KIAA0319L: variants seen among roughly 807,000 people sequenced by gnomAD.
The protein encoded by KIAA0319L is dyslexia-associated protein KIAA0319-like protein.
A neutral mutation model predicts 120.1 loss-of-function variants in KIAA0319L; 55 were observed. The observed-to-expected ratio is 0.46, with a 90% CI of 0.37 to 0.57. KIAA0319L has a LOEUF of 0.57. KIAA0319L is among the 20% of genes least tolerant of loss of function. KIAA0319L has a pLI of 0.00. For synonymous variants in KIAA0319L, 398 were observed against 471.9 expected (o/e 0.84, Z 2.03); for missense variants, 1,049 against 1,255.3 (o/e 0.84, Z 2.48).
intron 9 of KIAA0319L, among the ~76,000 whole-genome samples, chr1:35,459,317 G>C (rs1642718514): frequency 2.0e-5 from 3 of 152,108 alleles, no homozygotes; most frequent in Admixed American, 2.0e-4. Context: ...TAGAAAATCT[G>C]CATTTAGGGC....
chr1:35,534,650 G>C (rs575540486), intron 2 of KIAA0319L, among the ~76,000 whole-genome samples: 34 of 152,068 alleles, frequency 2.2e-4, no homozygotes, highest in African/African-American at 8.0e-4. Context: ...ACGAGGTCAG[G>C]AAATCGAGAA....
intron 3 of KIAA0319L, among the ~76,000 whole-genome samples, chr1:35,494,225 G>C (rs1644710234): frequency 6.6e-6 from 1 of 152,010 alleles, no homozygotes; most frequent in African/African-American, 2.4e-5. Context: ...GAGAAAGGTG[G>C]ATCACGAGGT....
Position 35,454,442 on chromosome 1 carries a change from C to T in KIAA0319L, c.1700G>A (p.Gly567Glu), listed in dbSNP as rs1435373912. 65 of 1,613,896 alleles carry T rather than the reference C, an allele frequency of 4.0e-5. No homozygotes were observed. Among genetic ancestry groups the T allele is most frequent in the Non-Finnish European group, 5.3e-5 (63 of 1,179,916 alleles). ...PTLQLSAMQE[G>E]DYTYQLTVTD... is the part of the protein sequence containing the mutation. The stretch of plus-strand genomic sequence containing the variant: ...CACTGTGAGCTGGTAAGTGTAGTCT[C>T]CTTCTTGCATCGCAGAGAGCTGTAA... Residue 567 changes from glycine to glutamate, a missense_variant, in exon 11 of 21, where the codon GGA (glycine) becomes GAA (glutamate). Gly to Glu is a moderately conservative substitution (Grantham distance 98, BLOSUM62 -2). Transcript: ENST00000325722.
chr1:35,510,468 A>G (rs1645388362), intron 2 of KIAA0319L: 1 of 151,932 alleles, frequency 6.6e-6, no homozygotes, highest in South Asian at 2.1e-4. Flanking sequence ...TGTCCTTTCA[A>G]GTCATCAGAG....
intron 2 of KIAA0319L, among the ~76,000 whole-genome samples, chr1:35,528,077 A>G (rs1646222612): frequency 6.6e-6 from 1 of 151,986 alleles, no homozygotes; most frequent in African/African-American, 2.4e-5. Context: ...TTTTCCATTT[A>G]AATTTAAGAA....
rs781521479 is a variant in KIAA0319L, at chr1:35,507,081, C to T, written c.197G>A (p.Arg66Lys). 1 of 1,552,344 alleles carries T rather than the reference C, an allele frequency of 6.4e-7. No individual in the cohort carries two copies. The highest frequency in any genetic ancestry group is 2.3e-5 in the East Asian group (1 of 44,340). Residue 66 changes from arginine (R) to lysine (K), a missense_variant, in exon 3 of 21, where the codon AGA (arginine) becomes AAA (lysine). Physicochemically the swap from Arg to Lys is conservative, Grantham distance 26. Transcript: ENST00000325722. ...QGKTQFGVGL[R>K]SGGENHLWLL... ...CCAGAGGTGATTTTCTCCCCCAGAT[C>T]TCAGGCCAACTCCAAATTGTGTCTT...
At chr1:35,513,288 A>ATATATATATATATTTTTTTTTTTT (rs1414704674) in intron 2 of KIAA0319L, among the ~76,000 whole-genome samples, 1 of 85,338 alleles carries the variant, frequency 1.2e-5, no homozygotes, top group African/African-American at 4.3e-5. Context: ...ATATATATAT[A>ATATATATATATATTTTTTTTTTTT]TTTTTTTTTT....
intron 2 of KIAA0319L, among the ~76,000 whole-genome samples, chr1:35,521,529 G>A (rs1322648572): frequency 6.6e-6 from 1 of 151,744 alleles, no homozygotes; most frequent in Non-Finnish European, 1.5e-5. Context: ...AGCTACTCTG[G>A]AAGCTGAGGA....
At chr1:35,454,813 GAACA>G (rs1348944974) in intron 10 of KIAA0319L, 3 of 231,326 alleles carry the variant, frequency 1.3e-5, no homozygotes, top group Non-Finnish European at 2.5e-5. Context: ...AGAATACCGT[GAACA>G]AACAATAAAT....
chr1:35,503,465 G>C (rs1645082956), intron 3 of KIAA0319L, among the ~76,000 whole-genome samples: 1 of 152,198 alleles, frequency 6.6e-6, no homozygotes, highest in East Asian at 1.9e-4. Flanking sequence ...CAGAAACTAT[G>C]GAGTTGGGGC....
chr1:35,514,452 A>G (rs1203129), intron 2 of KIAA0319L, among the ~76,000 whole-genome samples: 34,709 of 151,646 alleles, frequency 0.23, 8,478 homozygotes, highest in African/African-American at 0.58. Context: ...ACAAGACCCA[A>G]TGGCATTCTG....
intron 2 of KIAA0319L, among the ~76,000 whole-genome samples, chr1:35,538,590 CAAAA>C (rs757522421): frequency 1.3e-4 from 4 of 31,916 alleles, no homozygotes; most frequent in African/African-American, 1.7e-4. Flanking sequence ...AACTCTGTCT[CAAAA>C]AAAAAAAAAA....
At chr1:35,510,019 T>C (rs1180502286) in intron 2 of KIAA0319L, 2 of 152,506 alleles carry the variant, frequency 1.3e-5, no homozygotes, top group African/African-American at 4.8e-5. Flanking sequence ...AAACAAAAAG[T>C]GTCATGATAG....
chr1:35,448,435 T>A, intron 15 of KIAA0319L, 103 bp from the exon 16 acceptor site: 1 of 1,075,072 alleles, frequency 9.3e-7, no homozygotes, highest in Non-Finnish European at 1.4e-6. Flanking sequence ...AGTGAGAACA[T>A]TCAGATATCC....
intron 2 of KIAA0319L, among the ~76,000 whole-genome samples, chr1:35,514,492 C>T (rs1389663856): frequency 3.3e-5 from 5 of 151,800 alleles, no homozygotes; most frequent in South Asian, 4.2e-4. Context: ...TAAGGATGAG[C>T]GACACATAAT....
chr1:35,508,160 T>A (rs1246912223), intron 2 of KIAA0319L, among the ~76,000 whole-genome samples: 1 of 152,230 alleles, frequency 6.6e-6, no homozygotes, highest in Non-Finnish European at 1.5e-5. Flanking sequence ...AGGTGCTCAC[T>A]TTCAGAGTCA....
At position 35,453,446 on chromosome 1, in the gene KIAA0319L, AC is replaced by A. The variant is rs1642205207; in HGVS notation, c.1913+110del. 3.4e-6 allele frequency: 3 copies of A among 880,542 alleles called. No homozygotes were observed. In the African/African-American group the frequency reaches 5.1e-5, roughly 15 times the overall value. The allele number at this position is 880,542 out of a possible 1,614,324, so 54.5% of individuals were successfully genotyped here. ...AATTGCAAACATTTCTTCCTCAGTC[AC>A]CCCACTGGATAAGCCAATAAGAGCA... On this transcript the variant is annotated intron_variant, in intron 12 of 20. Coordinates refer to ENST00000325722, the MANE Select transcript of KIAA0319L (RefSeq NM_024874.5). The surrounding 1 kb of genome is among the most constrained non-coding windows in gnomAD (Gnocchi z 4.1).
At chr1:35,465,352 A>T (rs2149113955) in intron 7 of KIAA0319L, among the ~76,000 whole-genome samples, 1 of 152,208 alleles carries the variant, frequency 6.6e-6, no homozygotes, top group Admixed American at 6.5e-5. Flanking sequence ...GTCAAAGGAG[A>T]TCATTTTGGA....
Position 35,454,983 on chromosome 1 carries a change from CTAACA to C in KIAA0319L, c.1657-503_1657-499del, listed in dbSNP as rs1642338358. Among the ~76,000 whole-genome samples the C allele has an allele frequency of 2.0e-5, 3 of 152,162 alleles. 1 individual carries two copies. The South Asian group carries it at 6.2e-4, about 32-fold the overall frequency. On this transcript the variant is annotated intron_variant, in intron 10 of 20. Transcript: ENST00000325722. ...AGGTCTGTACAGGTTCTGCAACAAC[CTAACA>C]TAACATTTAAACAAAAGTCAGGTAA...
Sources: gnomAD v4.1 joint callset for allele counts (sites outside exome capture counted in the v4.1 genomes callset) on GRCh38, gnomAD v4.1.1 for gene constraint, Gnocchi (gnomAD v3.1) non-coding constraint, MANE v1.5 for transcripts, NCBI Gene and HGNC (gene_info 2026-07-23, HGNC 2026-07-21) for gene names.